The following WSCD1 variants were observed in gnomAD, a reference collection of about 807,000 sequenced individuals.
WSCD1 encodes sialate:O-sulfotransferase 1.
In WSCD1, 41 loss-of-function variants were observed where a neutral mutation model predicts 60.4. The ratio of observed to expected loss-of-function variants is 0.68; its 90% CI spans 0.53 to 0.88. The LOEUF (loss-of-function observed/expected upper bound fraction) is 0.88, where lower values mean the gene tolerates loss of function less well. WSCD1 is among the 40% of genes least tolerant of loss of function. The probability of loss-of-function intolerance (pLI) is 0.00; values close to 1 mark genes in which losing one functional copy is unlikely to be tolerated. For missense variants in WSCD1, 784 were observed against 796.2 expected, an observed-to-expected ratio of 0.98 and a Z score of 0.18; for synonymous variants, 361 against 332.5, an observed-to-expected ratio of 1.09 and a Z score of -0.93.
chr17:6,098,099 C>T (rs1384270135), intron 5 of WSCD1, among the ~76,000 whole-genome samples: 3 of 147,234 alleles, frequency 2.0e-5, no homozygotes, highest in African/African-American at 7.6e-5. Context: ...TACAGGCACA[C>T]ACTACCATGC....
At chr17:6,096,939 G>T (rs907890886) in intron 5 of WSCD1, among the ~76,000 whole-genome samples, 1 of 152,204 alleles carries the variant, frequency 6.6e-6, no homozygotes, top group Non-Finnish European at 1.5e-5. Flanking sequence ...GCCTTCCTGC[G>T]GGGGGTTATC....
rs1033835569 is a variant in WSCD1, at chr17:6,080,292, G to C, written c.-288-79G>C. On this transcript the variant is annotated intron_variant, in intron 1 of 8. Transcript: ENST00000317744. The surrounding 1 kb of genome is among the most constrained non-coding windows in gnomAD (Gnocchi z 6.6). ...TGGTCCTTGGATAAAGCAAGCACAG[G>C]GTGAGGGGTGTCCCAGCCTGGGAGT... The C allele has an allele frequency of 2.0e-5, 6 of 296,488 alleles. No individual in the cohort carries two copies. Among genetic ancestry groups the C allele is most frequent in the Non-Finnish European group, 3.8e-5 (6 of 158,452 alleles). 18.4% of individuals were successfully genotyped at this position (296,488 alleles called of 1,614,324 possible).
At chr17:6,094,972 T>A (rs1910323825) in intron 4 of WSCD1, 130 bp from the exon 5 acceptor site, 22 of 1,402,942 alleles carry the variant, frequency 1.6e-5, no homozygotes, top group Non-Finnish European at 1.9e-5. Flanking sequence ...CCGTTTTCCC[T>A]CCCTGATTTG....
chr17:6,120,238 C>A lies in WSCD1; in HGVS notation c.1376-71C>A, dbSNP rs1368554547. The A allele has an allele frequency of 5.3e-6, 8 of 1,517,970 alleles. No individual in the cohort carries two copies. The African/African-American group carries it at 9.6e-5, about 18-fold the overall frequency. The allele number at this position is 1,517,970 out of a possible 1,614,324, so 94.0% of individuals were successfully genotyped here. ...ACCCTGCCCACTTCCCTCTCCCGAGCAGCCCCCCGGGGACCGGCAGCCCTG... is the reference window on the plus strand; with the variant it reads ...ACCCTGCCCACTTCCCTCTCCCGAGAAGCCCCCCGGGGACCGGCAGCCCTG... On this transcript the variant is annotated intron_variant, in intron 8 of 8. Transcript: ENST00000317744.
intron 2 of WSCD1, chr17:6,084,784 T>A (rs1312322390): frequency 1.3e-5 from 2 of 152,254 alleles, no homozygotes; most frequent in Non-Finnish European, 2.9e-5. Flanking sequence ...CCATTTCAGC[T>A]GAAAGGAATA....
At chr17:6,085,162 T>C (rs1387610224) in intron 2 of WSCD1, among the ~76,000 whole-genome samples, 1 of 152,228 alleles carries the variant, frequency 6.6e-6, no homozygotes, top group Non-Finnish European at 1.5e-5. Context: ...AGAATAATAA[T>C]GGCTGTTATT....
At chr17:6,084,636 T>C (rs955863279) in intron 2 of WSCD1, 4 of 152,254 alleles carry the variant, frequency 2.6e-5, no homozygotes, top group African/African-American at 9.6e-5. Context: ...AACTTCTCCA[T>C]AGCCAGTTTG....
intron 4 of WSCD1, among the ~76,000 whole-genome samples, chr17:6,092,948 G>T (rs1196560622): frequency 6.6e-6 from 1 of 152,216 alleles, no homozygotes; most frequent in Non-Finnish European, 1.5e-5. Flanking sequence ...CTTCCTGAGG[G>T]AATGAGCTGA....
chr17:6,082,104 G>C (rs1441245543), intron 2 of WSCD1: 1 of 152,212 alleles, frequency 6.6e-6, no homozygotes, highest in Non-Finnish European at 1.5e-5. Context: ...GCACCTGTAA[G>C]TCTGCTGTTT....
chr17:6,102,839 T>A (rs1910881502), intron 5 of WSCD1, among the ~76,000 whole-genome samples: 1 of 152,216 alleles, frequency 6.6e-6, no homozygotes, highest in Non-Finnish European at 1.5e-5. Flanking sequence ...TTCTTTTTCC[T>A]TATTGCTGTT....
chr17:6,109,716 A>G lies in WSCD1; in HGVS notation c.959A>G (p.Glu320Gly). 10 of 1,614,106 alleles carry G rather than the reference A, an allele frequency of 6.2e-6. No individual in the cohort carries two copies. Among genetic ancestry groups the G allele is most frequent in the Non-Finnish European group, 8.5e-6 (10 of 1,179,986 alleles). ...MDSSVCGQDP[E>G]AQRLAEYCEV... ...AGCTCAGTATGTGGCCAGGACCCTG[A>G]GGCACAGAGGCTGGCAGAATACTGT... The change falls in exon 6 of 9, where the codon GAG (glutamate) becomes GGG (glycine). Residue 320 changes from glutamate to glycine, a missense_variant. Physicochemically the swap from Glu to Gly is moderately conservative, Grantham distance 98. Transcript: ENST00000317744.
chr17:6,084,329 G>A (rs1909481209), intron 2 of WSCD1, among the ~76,000 whole-genome samples: 1 of 152,262 alleles, frequency 6.6e-6, no homozygotes, highest in South Asian at 2.1e-4. Flanking sequence ...AAGGCAGGGT[G>A]CTGGCCTGCA....
chr17:6,117,178 A>G (rs1904339813), intron 7 of WSCD1, among the ~76,000 whole-genome samples: 1 of 152,254 alleles, frequency 6.6e-6, no homozygotes, highest in South Asian at 2.1e-4. Context: ...CTTCTCTGCC[A>G]GTAGTCAGTC....
chr17:6,078,792 C>T (rs1909035561), intron 1 of WSCD1, among the ~76,000 whole-genome samples: 1 of 152,072 alleles, frequency 6.6e-6, no homozygotes, highest in Middle Eastern at 3.2e-3. Context: ...TTAGGAGGAT[C>T]ACCCTGGCAG....
intron 7 of WSCD1, among the ~76,000 whole-genome samples, chr17:6,115,866 G>A (rs1911662530): frequency 6.6e-6 from 1 of 152,114 alleles, no homozygotes; most frequent in African/African-American, 2.4e-5. Flanking sequence ...AAAGTGCTGG[G>A]ATTATAGGAG....
chr17:6,073,129 C>G (rs1207556530), intron 1 of WSCD1, among the ~76,000 whole-genome samples: 3 of 152,156 alleles, frequency 2.0e-5, no homozygotes, highest in Admixed American at 2.0e-4. Context: ...TCTCCCATAG[C>G]CCGAGTGCCC....
At chr17:6,085,514 C>T (rs560524026) in intron 2 of WSCD1, among the ~76,000 whole-genome samples, 1 of 152,250 alleles carries the variant, frequency 6.6e-6, no homozygotes, top group Admixed American at 6.5e-5. Flanking sequence ...AGAGAGGCAG[C>T]TGCACATCCC....
chr17:6,069,804 T>C (rs8068824), upstream of WSCD1, among the ~76,000 whole-genome samples: 51 of 122,930 alleles, frequency 4.1e-4, no homozygotes, highest in Admixed American at 1.0e-3. Context: ...TGTGTGTGCG[T>C]GCGTGTGTGG....
chr17:6,110,643 T>C lies in WSCD1; in HGVS notation c.1010-128T>C, dbSNP rs377686337. The C allele has an allele frequency of 6.8e-5, 86 of 1,267,096 alleles. No homozygotes were observed. In the East Asian group the frequency reaches 1.7e-3, roughly 25 times the overall value. 78.5% of individuals were successfully genotyped at this position (1,267,096 alleles called of 1,614,324 possible). On this transcript the variant is annotated intron_variant, in intron 6 of 8. Transcript: ENST00000317744. The surrounding 1 kb of genome is among the most constrained non-coding windows in gnomAD (Gnocchi z 4.8). ...TATATTTGGAAGATCTCTTCCCTTCTTTGGGCCTTGGTTCCCCCATCTATT... is the reference window on the plus strand; with the variant it reads ...TATATTTGGAAGATCTCTTCCCTTCCTTGGGCCTTGGTTCCCCCATCTATT...
Sources: gnomAD v4.1 joint callset for allele counts (sites outside exome capture counted in the v4.1 genomes callset) on GRCh38, gnomAD v4.1.1 for gene constraint, Gnocchi (gnomAD v3.1) non-coding constraint, MANE v1.5 for transcripts, NCBI Gene and HGNC (gene_info 2026-07-23, HGNC 2026-07-21) for gene names.